HIVEP2: variants seen among roughly 807,000 people sequenced by gnomAD.
HIVEP2 encodes HIVEP zinc finger 2.
Under a neutral mutation model 180.7 loss-of-function variants are expected in HIVEP2, and 14 were observed. That is an observed-to-expected ratio of 0.08 (90% confidence interval 0.05 to 0.12). The LOEUF is 0.12. Ranked by LOEUF, HIVEP2 falls within the 10% of genes least tolerant of loss-of-function variation. The pLI is 1.00. For synonymous variants in HIVEP2, 1,184 were observed against 1,136.4 expected, an observed-to-expected ratio of 1.04 and a Z score of -0.84; for missense variants, 2,579 against 3,008.5, an observed-to-expected ratio of 0.86 and a Z score of 3.34.
chr6:142,870,166 TTCAGCACCAAAGGTTATTATTGA>T (rs1776253545), intron 1 of HIVEP2, among the ~76,000 whole-genome samples: 1 of 151,052 alleles, frequency 6.6e-6, no homozygotes, highest in African/African-American at 2.4e-5. Context: ...TCCTTTGGGG[TTCAGCACCAAAGGTTATTATTGA>T]CTTGAACATT....
Position 142,753,346 on chromosome 6 carries a change from T to TA in HIVEP2, c.7101dup (p.Ser2368Ter). On this transcript the variant is annotated frameshift_variant, in exon 10 of 10. Coordinates refer to ENST00000367603, the MANE Select transcript of HIVEP2 (RefSeq NM_006734.4). LOFTEE classifies it high-confidence loss of function. ...TCAGGTCTACTAAAGTGTCTAATGC[T>TA]AACATGTGCACTTCCCAGGGGGTTC... 1.2e-6 allele frequency: 2 copies of TA among 1,614,124 alleles called. No homozygotes were observed. Among genetic ancestry groups the TA allele is most frequent in the Non-Finnish European group, 1.7e-6 (2 of 1,180,020 alleles).
chr6:142,937,537 A>G (rs1778085434), intron 1 of HIVEP2, among the ~76,000 whole-genome samples: 1 of 152,116 alleles, frequency 6.6e-6, no homozygotes, highest in Admixed American at 6.6e-5. Flanking sequence ...AATTTGCCCT[A>G]TTCTGTCTGA....
chr6:142,853,545 T>C (rs1775743784), intron 1 of HIVEP2, among the ~76,000 whole-genome samples: 1 of 152,228 alleles, frequency 6.6e-6, no homozygotes, highest in Admixed American at 6.5e-5. Flanking sequence ...TAACCTGATT[T>C]AGAATTCGCC....
In HIVEP2 at chr6:142,752,106, C is replaced by T. The variant is rs1166736969; in HGVS notation, c.*1001G>A. 6.6e-6 allele frequency: 1 copy of T among 152,618 alleles called. No homozygotes were observed. The highest frequency in any genetic ancestry group is 1.5e-5 in the Non-Finnish European group (1 of 68,034). 9.5% of individuals were successfully genotyped at this position (152,618 alleles called of 1,614,324 possible). The stretch of plus-strand genomic sequence containing the variant: ...TACACAGTCCCATGTGCTTTGTCAC[C>T]TTAATTTTTTAAAGACACCTAGCAT... On this transcript the variant is annotated 3_prime_UTR_variant, in exon 10 of 10. Transcript: ENST00000367603.
chr6:142,893,677 G>A (rs1337599005), intron 1 of HIVEP2, among the ~76,000 whole-genome samples: 2 of 152,152 alleles, frequency 1.3e-5, no homozygotes, highest in African/African-American at 4.8e-5. Context: ...GAAGAGCAGT[G>A]GGAACAACCC....
rs376862866 is a variant in HIVEP2 at position 142,760,431 on chromosome 6, C to T, written c.5857G>A (p.Val1953Ile). 6.3e-5 allele frequency: 102 copies of T among 1,614,132 alleles called. No individual in the cohort carries two copies. Among genetic ancestry groups the T allele is most frequent in the Middle Eastern group, 1.6e-4 (1 of 6,062 alleles). Residue 1953 changes from valine (V) to isoleucine (I), a missense_variant, in exon 9 of 10, where the codon GTA becomes ATA. Transcript: ENST00000367603. ...CTATCTGAAGGAACCCCGTGGGGTACGGCGCCAACATTCACAGGCAAGGAG... is the reference window on the plus strand; with the variant it reads ...CTATCTGAAGGAACCCCGTGGGGTATGGCGCCAACATTCACAGGCAAGGAG... ...FSSLPVNVGA[V>I]PHGVPSDSSL...
At chr6:142,821,462 G>C (rs180732452) in intron 2 of HIVEP2, among the ~76,000 whole-genome samples, 42 of 152,264 alleles carry the variant, frequency 2.8e-4, no homozygotes, top group Admixed American at 7.8e-4. Context: ...TCTGCCACTT[G>C]CCAGACATAC....
intron 1 of HIVEP2, among the ~76,000 whole-genome samples, chr6:142,917,766 T>C (rs1298146857): frequency 6.6e-6 from 1 of 152,124 alleles, no homozygotes; most frequent in Non-Finnish European, 1.5e-5. Flanking sequence ...CTCAAAATCA[T>C]AATATGCTTC....
intron 1 of HIVEP2, among the ~76,000 whole-genome samples, chr6:142,877,298 A>G (rs972034443): frequency 6.6e-6 from 1 of 152,202 alleles, no homozygotes; most frequent in African/African-American, 2.4e-5. Flanking sequence ...CTCTTTAATT[A>G]TTCAAGTTTT....
chr6:142,800,444 G>A (rs1446576094), intron 2 of HIVEP2, among the ~76,000 whole-genome samples: 1 of 152,084 alleles, frequency 6.6e-6, no homozygotes, highest in Non-Finnish European at 1.5e-5. Flanking sequence ...ATCATCTTAA[G>A]TTTCTAAGTA....
rs778682920 is a variant in HIVEP2, at chr6:142,910,630, AAAC to A, written c.-641+34466_-641+34468del. Among the ~76,000 whole-genome samples the A allele has an allele frequency of 1.5e-3, 230 of 152,216 alleles. 1 individual carries two copies. The highest frequency in any genetic ancestry group is 4.9e-3 in the African/African-American group (204 of 41,532). The stretch of plus-strand genomic sequence containing the variant: ...AATAAAAATAAAGATAAACAAAACA[AAAC>A]AACAACAACAACAACAAACCTACAC... On this transcript the variant is annotated intron_variant, in intron 1 of 9. Transcript: ENST00000367603.
In HIVEP2 at chr6:142,793,655, TCTTTTTTC is replaced by T. The variant is rs1562521327; in HGVS notation, c.-527-10048_-527-10041del. ...TTCTTTCTTTCTTTCTTTCTTTCTT[TCTTTTTTC>T]TTTCTTTCTTTCTCTCTCTCTCTCT... is the stretch of plus-strand genomic sequence containing the variant. On this transcript the variant is annotated intron_variant, in intron 2 of 9. Coordinates refer to ENST00000367603, the MANE Select transcript of HIVEP2 (RefSeq NM_006734.4). 1.1e-3 allele frequency among the ~76,000 whole-genome samples: 74 copies of T among 64,978 alleles called. 1 individual carries two copies. The highest frequency in any genetic ancestry group is 3.1e-3 in the African/African-American group (66 of 21,466). 42.6% of individuals were successfully genotyped at this position (64,978 alleles called of 152,430 possible).
At chr6:142,885,872 C>A (rs553070346) in intron 1 of HIVEP2, among the ~76,000 whole-genome samples, 1 of 152,160 alleles carries the variant, frequency 6.6e-6, no homozygotes, top group Non-Finnish European at 1.5e-5. Flanking sequence ...CTATTTTATT[C>A]ACTTTCTCCT....
intron 1 of HIVEP2, among the ~76,000 whole-genome samples, chr6:142,940,186 T>C (rs1209604088): frequency 6.6e-6 from 1 of 152,242 alleles, no homozygotes; most frequent in Non-Finnish European, 1.5e-5. Flanking sequence ...TAAAGACTTC[T>C]GAATTGGTAG....
chr6:142,900,336 T>C (rs1251115538), intron 1 of HIVEP2, among the ~76,000 whole-genome samples: 2 of 152,276 alleles, frequency 1.3e-5, no homozygotes, highest in Non-Finnish European at 2.9e-5. Context: ...GTCTGAGAGT[T>C]GAGTGAGGGG....
chr6:142,874,961 C>T (rs1253166819), intron 1 of HIVEP2, among the ~76,000 whole-genome samples: 1 of 152,098 alleles, frequency 6.6e-6, no homozygotes. Flanking sequence ...CTACTAGGCA[C>T]TGAGATGCAG....
intron 1 of HIVEP2, among the ~76,000 whole-genome samples, chr6:142,886,888 C>T (rs901072296): frequency 9.2e-5 from 14 of 152,280 alleles, no homozygotes; most frequent in African/African-American, 3.1e-4. Flanking sequence ...GTAGGTTCTA[C>T]ATCACTTTCC....
intron 3 of HIVEP2, among the ~76,000 whole-genome samples, chr6:142,783,217 AC>A (rs1399846461): frequency 1.1e-4 from 16 of 149,160 alleles, no homozygotes; most frequent in African/African-American, 4.0e-4. Context: ...AGTCCCAGCT[AC>A]TTGGGAGGCT....
intron 1 of HIVEP2, among the ~76,000 whole-genome samples, chr6:142,868,235 T>A (rs1255361595): frequency 6.6e-6 from 1 of 152,112 alleles, no homozygotes; most frequent in Non-Finnish European, 1.5e-5. Flanking sequence ...CTTCAATCCT[T>A]TATCAAAAAT....
Sources: allele counts gnomAD v4.1 joint callset (sites outside exome capture counted in the v4.1 genomes callset), GRCh38; gene constraint gnomAD v4.1.1; transcripts MANE v1.5; gene names NCBI Gene and HGNC (gene_info 2026-07-23, HGNC 2026-07-21).